RAP1GDS1: variants seen among roughly 807,000 people sequenced by gnomAD.
The protein encoded by RAP1GDS1 is Rap1 GTPase-GDP dissociation stimulator 1.
RAP1GDS1 carries 35 observed loss-of-function variants against 71.1 expected under a neutral mutation model. That is an observed-to-expected ratio of 0.49 (90% CI 0.38 to 0.65). The LOEUF is 0.65. Ranked by LOEUF, RAP1GDS1 falls within the 30% of genes least tolerant of loss-of-function variation. The pLI is 0.00. For missense variants in RAP1GDS1, 663 were observed against 706.1 expected (o/e 0.94, Z 0.69); for synonymous variants, 229 against 243.1 (o/e 0.94, Z 0.54).
chr4:98,379,266 T>C, intron 5 of RAP1GDS1, 103 bp downstream of exon 5: 5 of 1,124,300 alleles, frequency 4.4e-6, no homozygotes, highest in Non-Finnish European at 6.0e-6. Flanking sequence ...AACAAAGAAT[T>C]CGTAAGTGGC....
At chr4:98,417,346 A>T in intron 8 of RAP1GDS1, 21 bp from the exon 9 acceptor site, 2 of 1,600,550 alleles carry the variant, frequency 1.2e-6, no homozygotes, top group Non-Finnish European at 1.7e-6. Context: ...TTGCTTAACT[A>T]TTCGTTTCAT....
intron 12 of RAP1GDS1, among the ~76,000 whole-genome samples, chr4:98,430,016 A>T (rs1750170524): frequency 6.6e-6 from 1 of 152,134 alleles, no homozygotes; most frequent in Admixed American, 6.6e-5. Flanking sequence ...TAAATGCTAT[A>T]ATATTTAATA....
At chr4:98,328,192 T>A (rs1209583310) in intron 2 of RAP1GDS1, among the ~76,000 whole-genome samples, 1 of 152,216 alleles carries the variant, frequency 6.6e-6, no homozygotes, top group African/African-American at 2.4e-5. Flanking sequence ...GTATTAGCAA[T>A]AGCACAGGCA....
chr4:98,377,222 C>T (rs527852349), intron 4 of RAP1GDS1, among the ~76,000 whole-genome samples: 9 of 151,950 alleles, frequency 5.9e-5, no homozygotes, highest in Non-Finnish European at 1.2e-4. Flanking sequence ...AAATACTATT[C>T]GAGCTTTGCA....
In RAP1GDS1 at chr4:98,320,603, G is replaced by C. The variant is rs533317356; in HGVS notation, c.113-22536G>C. Among the ~76,000 whole-genome samples the C allele has an allele frequency of 6.6e-4, 100 of 151,588 alleles. 1 individual carries two copies. Among genetic ancestry groups the C allele is most frequent in the African/African-American group, 2.2e-3 (93 of 41,340 alleles). ...ACGGGCAGACTGCCTCCTCAAGTGG[G>C]TCCCTGACCCCTGACCCCCGAGCAG... On this transcript the variant is annotated intron_variant, in intron 2 of 14. Transcript: ENST00000408927.
At chr4:98,412,882 G>C (rs1022922088) in intron 7 of RAP1GDS1, among the ~76,000 whole-genome samples, 1 of 152,086 alleles carries the variant, frequency 6.6e-6, no homozygotes, top group Non-Finnish European at 1.5e-5. Flanking sequence ...CAAAGATCAC[G>C]TGCTTTACAG....
At chr4:98,303,908 GTGTTTTCTT>G (rs1728939825) in intron 2 of RAP1GDS1, among the ~76,000 whole-genome samples, 1 of 151,966 alleles carries the variant, frequency 6.6e-6, no homozygotes, top group South Asian at 2.1e-4. Flanking sequence ...CTGTGTCCAT[GTGTTTTCTT>G]TGTTCAGCTC....
In RAP1GDS1 at chr4:98,436,936, G is replaced by C. The variant is rs1331360702; in HGVS notation, c.1568-4G>C. The C allele has an allele frequency of 6.3e-7, 1 of 1,593,334 alleles. No individual in the cohort carries two copies. The highest frequency in any genetic ancestry group is 8.5e-7 in the Non-Finnish European group (1 of 1,172,810). On this transcript the variant is annotated splice_polypyrimidine_tract_variant and splice_region_variant and intron_variant, in intron 13 of 14. Transcript: ENST00000408927. ...GCAGTAGATATACTTTGTTTTATTTGTAGGCACTGCTGAGAAAGATCTAGA... is the reference window on the plus strand; with the variant it reads ...GCAGTAGATATACTTTGTTTTATTTCTAGGCACTGCTGAGAAAGATCTAGA...
chr4:98,436,896 A>G (rs1455251205), intron 13 of RAP1GDS1, 44 bp from the exon 14 acceptor site: 2 of 1,483,980 alleles, frequency 1.3e-6, no homozygotes, highest in Non-Finnish European at 1.8e-6. Context: ...TATCCTGAGG[A>G]TACTGGGTTC....
At chr4:98,295,552 T>G (rs917314995) in intron 2 of RAP1GDS1, among the ~76,000 whole-genome samples, 4 of 152,056 alleles carry the variant, frequency 2.6e-5, no homozygotes, top group Admixed American at 1.3e-4. Flanking sequence ...GAGGTAGGTA[T>G]TATTATCACC....
chr4:98,268,567 C>T (rs906173443), intron 1 of RAP1GDS1, among the ~76,000 whole-genome samples: 1 of 151,792 alleles, frequency 6.6e-6, no homozygotes, highest in African/African-American at 2.4e-5. Context: ...GCCTTAAAGA[C>T]TCCTTGAAAA....
intron 1 of RAP1GDS1, among the ~76,000 whole-genome samples, chr4:98,268,781 G>A (rs947810946): frequency 2.0e-5 from 3 of 151,916 alleles, no homozygotes; most frequent in Non-Finnish European, 4.4e-5. Context: ...AGATCTCTAT[G>A]CTGAAAACTG....
Position 98,293,516 on chromosome 4 carries a change from G to C in RAP1GDS1, c.112+1G>C. 6.3e-7 allele frequency: 1 copy of C among 1,597,428 alleles called. No individual in the cohort carries two copies. Among genetic ancestry groups the C allele is most frequent in the Non-Finnish European group, 8.5e-7 (1 of 1,170,188 alleles). On this transcript the variant is annotated splice_donor_variant, in intron 2 of 14. Coordinates refer to ENST00000408927, the MANE Select transcript of RAP1GDS1 (RefSeq NM_001100427.2). LOFTEE classifies it high-confidence loss of function. The stretch of plus-strand genomic sequence containing the variant: ...CTGCTTCAAGCCCTGGCTCAAAATA[G>C]TAAGTTTCATTATGTTTACTCAAAT...
chr4:98,433,923 T>C lies in RAP1GDS1; in HGVS notation c.1441-13T>C, dbSNP rs1471099159. 6.3e-7 allele frequency: 1 copy of C among 1,591,158 alleles called. No homozygotes were observed. The highest frequency in any genetic ancestry group is 1.7e-5 in the Admixed American group (1 of 59,514). On this transcript the variant is annotated splice_polypyrimidine_tract_variant and intron_variant, in intron 12 of 14. Transcript: ENST00000408927. ...AATTAAAGTCTATAATTCTCTGATA[T>C]TATTTATTGTAGGATGTAATTAAAA... is the stretch of plus-strand genomic sequence containing the variant.
Position 98,404,613 on chromosome 4 carries a change from T to A in RAP1GDS1, c.763+11T>A. 6.3e-7 allele frequency: 1 copy of A among 1,596,152 alleles called. No individual in the cohort carries two copies. Among genetic ancestry groups the A allele is most frequent in the Non-Finnish European group, 8.5e-7 (1 of 1,174,092 alleles). ...CATTGGCAGAAAATGGTGAGAAACT[T>A]AAATGCACCTTTGGATTTTTGATCA... On this transcript the variant is annotated intron_variant, in intron 7 of 14. Transcript: ENST00000408927.
rs185966324 is a variant in RAP1GDS1, at chr4:98,316,102, A to G, written c.112+22587A>G. Among the ~76,000 whole-genome samples, 289 of 152,294 alleles carry G rather than the reference A, an allele frequency of 1.9e-3. 1 individual carries two copies. Among genetic ancestry groups the G allele is most frequent in the Non-Finnish European group, 3.3e-3 (227 of 68,022 alleles). On this transcript the variant is annotated intron_variant, in intron 2 of 14. Coordinates refer to ENST00000408927, the MANE Select transcript of RAP1GDS1 (RefSeq NM_001100427.2). Reference sequence around the variant, plus strand: ...TAAAATCAGGGAACAGGCAAAGTATATGGCTAGATTCATCCAGTGCTAGGA... The same window carrying G: ...TAAAATCAGGGAACAGGCAAAGTATGTGGCTAGATTCATCCAGTGCTAGGA...
intron 2 of RAP1GDS1, among the ~76,000 whole-genome samples, chr4:98,336,524 T>TA: frequency 6.6e-6 from 1 of 152,294 alleles, no homozygotes; most frequent in Non-Finnish European, 1.5e-5. Context: ...TCTCACAACT[T>TA]AGTTTTTTAG....
At chr4:98,436,023 A>G (rs1050794160) in intron 13 of RAP1GDS1, among the ~76,000 whole-genome samples, 1 of 151,446 alleles carries the variant, frequency 6.6e-6, no homozygotes, top group Non-Finnish European at 1.5e-5. Flanking sequence ...GTGAGCCGAG[A>G]TCGCGCCACT....
intron 2 of RAP1GDS1, among the ~76,000 whole-genome samples, chr4:98,340,432 C>T (rs1735326886): frequency 6.6e-6 from 1 of 152,074 alleles, no homozygotes; most frequent in African/African-American, 2.4e-5. Context: ...AAAGACCACA[C>T]ATTCTCACTT....
Sources: gnomAD v4.1 joint callset for allele counts (sites outside exome capture counted in the v4.1 genomes callset) on GRCh38, gnomAD v4.1.1 for gene constraint, MANE v1.5 for transcripts, NCBI Gene and HGNC (gene_info 2026-07-23, HGNC 2026-07-21) for gene names.